Variants in IFT88 observed in about 807,000 individuals in gnomAD.
IFT88 encodes the protein intraflagellar transport protein 88 homolog.
A neutral mutation model predicts 119.5 loss-of-function variants in IFT88; 74 were observed. That is an observed-to-expected ratio of 0.62 (90% CI 0.51 to 0.75). The LOEUF is 0.75. Ranked by LOEUF, IFT88 falls within the 30% of genes least tolerant of loss-of-function variation. The pLI, the probability that IFT88 is intolerant of heterozygous loss-of-function variation, is 0.00. For missense variants in IFT88, 961 were observed against 977.7 expected (o/e 0.98, Z 0.23); for synonymous variants, 279 against 316.7 (o/e 0.88, Z 1.26).
intron 2 of IFT88, among the ~76,000 whole-genome samples, chr13:20,576,927 T>C (rs1042314006): frequency 2.0e-5 from 3 of 152,198 alleles, no homozygotes; most frequent in African/African-American, 7.2e-5. Context: ...TGATAGGTGT[T>C]GCACCGAATC....
intron 23 of IFT88, among the ~76,000 whole-genome samples, 154 bp from the exon 24 acceptor site, chr13:20,670,819 G>T (rs2055700892): frequency 1.3e-5 from 2 of 151,082 alleles, no homozygotes; most frequent in South Asian, 4.2e-4. Context: ...AACAACTCAG[G>T]CTTTTTTTTT....
rs956233509 is a variant in IFT88 at position 20,596,771 on chromosome 13, C to T, written c.490-244C>T. Among the ~76,000 whole-genome samples, 4 of 152,008 alleles carry T rather than the reference C, an allele frequency of 2.6e-5. No homozygotes were observed. In the South Asian group the frequency reaches 8.3e-4, roughly 31 times the overall value. On this transcript the variant is annotated intron_variant, in intron 8 of 25. Transcript: ENST00000351808. Reference sequence around the variant, plus strand: ...TGTGAGTTATTGGATTAATGAATACCATTAGAAAGAAATGTTCACTTTAAA... The same window carrying T: ...TGTGAGTTATTGGATTAATGAATACTATTAGAAAGAAATGTTCACTTTAAA...
chr13:20,607,458 C>G, intron 13 of IFT88: 1 of 670,418 alleles, frequency 1.5e-6, no homozygotes, highest in South Asian at 1.5e-5. Flanking sequence ...TCACTCATCC[C>G]CATCATCAGC....
intron 15 of IFT88, among the ~76,000 whole-genome samples, chr13:20,626,550 T>C (rs2047362261): frequency 6.6e-6 from 1 of 152,172 alleles, no homozygotes; most frequent in Non-Finnish European, 1.5e-5. Flanking sequence ...CAGAGCAGCT[T>C]CCTTGTAGTC....
At chr13:20,629,878 G>A (rs895085985) in intron 15 of IFT88, among the ~76,000 whole-genome samples, 7 of 152,150 alleles carry the variant, frequency 4.6e-5, no homozygotes, top group Non-Finnish European at 1.0e-4. Context: ...AAAACCCAGT[G>A]CCTTTCTCTA....
intron 9 of IFT88, 100 bp downstream of exon 9, chr13:20,597,219 T>G (rs1413594831): frequency 3.5e-6 from 2 of 574,596 alleles, no homozygotes; most frequent in Admixed American, 7.1e-5. Flanking sequence ...TTACTGGTCT[T>G]CAGGTGCTCA....
chr13:20,590,551 C>T (rs6490598), intron 4 of IFT88, among the ~76,000 whole-genome samples: 104,282 of 151,966 alleles, frequency 0.69, 37,053 homozygotes, highest in East Asian at 1. Flanking sequence ...ATTAAACATG[C>T]TTTTATTAGT....
rs762271735 is a variant in IFT88 at position 20,591,624 on chromosome 13, G to C, written c.271G>C (p.Val91Leu). The C allele has an allele frequency of 6.2e-7, 1 of 1,611,642 alleles. No homozygotes were observed. The highest frequency in any genetic ancestry group is 1.1e-5 in the South Asian group (1 of 91,002). ...RPMTGAIQDG[V>L]TRPMTAVRAA... ...ATTCCCATTCTCTTTAAAGGATGGAGTTACTAGACCCATGACAGCAGTGAG... is the reference window on the plus strand; with the variant it reads ...ATTCCCATTCTCTTTAAAGGATGGACTTACTAGACCCATGACAGCAGTGAG... The change falls in exon 6 of 26, where the codon GTT (valine) becomes CTT (leucine). Residue 91 changes from valine (V) to leucine (L), a missense_variant. By Grantham distance (32) the Val-to-Leu change is conservative. Transcript: ENST00000351808.
chr13:20,592,916 T>G (rs550796070), intron 7 of IFT88, among the ~76,000 whole-genome samples: 1 of 151,342 alleles, frequency 6.6e-6, no homozygotes, highest in African/African-American at 2.5e-5. Flanking sequence ...CTAACAAAAT[T>G]AAGAATAGCC....
At chr13:20,605,199 T>A (rs2043214873) in intron 13 of IFT88, 94 bp downstream of exon 13, 2 of 493,296 alleles carry the variant, frequency 4.1e-6, no homozygotes, top group African/African-American at 4.1e-5. Context: ...AAACTTAAAA[T>A]AATTTAGTTT....
At chr13:20,624,323 G>C (rs2046981402) in intron 14 of IFT88, among the ~76,000 whole-genome samples, 1 of 152,224 alleles carries the variant, frequency 6.6e-6, no homozygotes, top group South Asian at 2.1e-4. Context: ...GGGGCATGGA[G>C]CTGCCATTTC....
chr13:20,600,058 A>G (rs2042349142), intron 11 of IFT88, among the ~76,000 whole-genome samples: 1 of 152,154 alleles, frequency 6.6e-6, no homozygotes, highest in Non-Finnish European at 1.5e-5. Flanking sequence ...CTGTGGGGAC[A>G]TAGGAAGTTT....
chr13:20,608,073 C>A, intron 13 of IFT88: 1 of 519,678 alleles, frequency 1.9e-6, no homozygotes, highest in East Asian at 4.4e-5. Context: ...ACTATCATGG[C>A]TGCAACAATA....
At chr13:20,674,237 T>G (rs1390439532) in intron 24 of IFT88, among the ~76,000 whole-genome samples, 1 of 152,234 alleles carries the variant, frequency 6.6e-6, no homozygotes, top group African/African-American at 2.4e-5. Flanking sequence ...TTTCAAAGTC[T>G]TAATAGTTAA....
intron 14 of IFT88, among the ~76,000 whole-genome samples, chr13:20,622,831 G>A (rs1460303529): frequency 6.6e-6 from 1 of 152,124 alleles, no homozygotes; most frequent in African/African-American, 2.4e-5. Context: ...AAATTTTCAT[G>A]AGGTCCACTT....
At chr13:20,643,256 G>A (rs2050235445) in intron 18 of IFT88, among the ~76,000 whole-genome samples, 199 bp from the exon 19 acceptor site, 1 of 152,144 alleles carries the variant, frequency 6.6e-6, no homozygotes, top group Admixed American at 6.5e-5. Flanking sequence ...AGGGAAAGCA[G>A]GCTATATACA....
At chr13:20,679,477 A>G (rs992793176) in intron 24 of IFT88, among the ~76,000 whole-genome samples, 3 of 152,252 alleles carry the variant, frequency 2.0e-5, no homozygotes, top group African/African-American at 7.2e-5. Flanking sequence ...TAATATGCGC[A>G]GAAGGAGAGG....
intron 15 of IFT88, 46 bp from the exon 16 acceptor site, chr13:20,630,970 A>C: frequency 8.6e-7 from 1 of 1,158,718 alleles, no homozygotes; most frequent in East Asian, 2.5e-5. Context: ...AAGCTTGAGT[A>C]CTGTCATATT....
intron 21 of IFT88, 55 bp downstream of exon 21, chr13:20,653,983 T>C (rs2052282227): frequency 1.1e-5 from 10 of 950,660 alleles, no homozygotes; most frequent in African/African-American, 1.7e-5. Flanking sequence ...TCCTTTTAGG[T>C]AATTATGCAT....
Sources: allele counts gnomAD v4.1 joint callset (sites outside exome capture counted in the v4.1 genomes callset), GRCh38; gene constraint gnomAD v4.1.1; transcripts MANE v1.5; gene names NCBI Gene and HGNC (gene_info 2026-07-23, HGNC 2026-07-21).